CHSY3: variants seen among roughly 807,000 people sequenced by gnomAD.
CHSY3 encodes the protein N-acetylgalactosaminyl-proteoglycan 3-beta-glucuronosyltransferase 3.
Under a neutral mutation model 67.2 loss-of-function variants are expected in CHSY3, and 35 were observed. The ratio of observed to expected loss-of-function variants is 0.52; its 90% CI spans 0.40 to 0.69. The LOEUF is 0.69. Ranked by LOEUF, CHSY3 falls within the 30% of genes least tolerant of loss-of-function variation. CHSY3 has a pLI of 0.00. For synonymous variants in CHSY3, 474 were observed against 434.7 expected, an observed-to-expected ratio of 1.09 and a Z score of -1.12; for missense variants, 1,069 against 1,138.5, an observed-to-expected ratio of 0.94 and a Z score of 0.88.
intron 2 of CHSY3, among the ~76,000 whole-genome samples, chr5:129,948,056 G>T: frequency 6.6e-6 from 1 of 152,032 alleles, no homozygotes; most frequent in Non-Finnish European, 1.5e-5. Context: ...AATTCTATAG[G>T]TTGCCTTTTA....
chr5:130,151,588 TG>T (rs1769233255), intron 2 of CHSY3, among the ~76,000 whole-genome samples: 1 of 152,170 alleles, frequency 6.6e-6, no homozygotes, highest in Admixed American at 6.5e-5. Context: ...TTAATTGACT[TG>T]CAGTTCAGCA....
chr5:130,013,355 ACT>A lies in CHSY3; in HGVS notation c.1086+104998_1086+104999del, dbSNP rs925829053. ...TCCACCAGGCAATGCCCTAGTGGAG[ACT>A]CTGTCTGGGGGCTCCAACCCCACAT... On this transcript the variant is annotated intron_variant, in intron 2 of 2. Transcript: ENST00000305031. Among the ~76,000 whole-genome samples the A allele has an allele frequency of 6.1e-4, 92 of 151,884 alleles. 1 individual carries two copies. Among genetic ancestry groups the A allele is most frequent in the African/African-American group, 2.2e-3 (90 of 41,410 alleles).
chr5:130,020,463 T>TA (rs1764355934), intron 2 of CHSY3, among the ~76,000 whole-genome samples: 1 of 42,990 alleles, frequency 2.3e-5, no homozygotes, highest in Non-Finnish European at 4.2e-5. Flanking sequence ...ATATATATAT[T>TA]TTTTTTTTTT....
intron 2 of CHSY3, among the ~76,000 whole-genome samples, chr5:130,183,959 C>T (rs1355680128): frequency 6.6e-6 from 1 of 151,774 alleles, no homozygotes; most frequent in African/African-American, 2.4e-5. Flanking sequence ...TAGATTTACT[C>T]ATCCCACTAT....
chr5:129,947,344 C>G (rs906965949), intron 2 of CHSY3, among the ~76,000 whole-genome samples: 5 of 152,144 alleles, frequency 3.3e-5, no homozygotes, highest in African/African-American at 1.2e-4. Flanking sequence ...GAGATTTGAG[C>G]TTGGTGCAGT....
At chr5:129,914,214 G>T (rs1760665749) in intron 2 of CHSY3, among the ~76,000 whole-genome samples, 1 of 152,028 alleles carries the variant, frequency 6.6e-6, no homozygotes, top group African/African-American at 2.4e-5. Context: ...AGGTTCAAGT[G>T]ATTCTCCTGC....
intron 2 of CHSY3, among the ~76,000 whole-genome samples, chr5:130,026,342 A>T (rs1764542698): frequency 6.6e-6 from 1 of 152,188 alleles, no homozygotes; most frequent in African/African-American, 2.4e-5. Context: ...TAATGAAGTG[A>T]TTAAAATGTA....
intron 2 of CHSY3, among the ~76,000 whole-genome samples, chr5:129,968,504 G>T (rs1188046556): frequency 1.3e-5 from 2 of 151,694 alleles, no homozygotes; most frequent in East Asian, 3.9e-4. Flanking sequence ...GTTGAAACTT[G>T]GTACTCTAAC....
intron 2 of CHSY3, among the ~76,000 whole-genome samples, chr5:129,997,697 C>T (rs1763585686): frequency 6.6e-6 from 1 of 152,038 alleles, no homozygotes; most frequent in African/African-American, 2.4e-5. Flanking sequence ...GTGATGTTTC[C>T]CGCCCTGTGT....
intron 2 of CHSY3, among the ~76,000 whole-genome samples, chr5:129,992,687 T>C (rs1315315934): frequency 6.6e-6 from 1 of 152,202 alleles, no homozygotes; most frequent in Non-Finnish European, 1.5e-5. Context: ...GTCCCATCAA[T>C]ATATGATGTG....
chr5:130,092,717 G>A (rs74530349), intron 2 of CHSY3, among the ~76,000 whole-genome samples: 1 of 152,142 alleles, frequency 6.6e-6, no homozygotes, highest in Non-Finnish European at 1.5e-5. Flanking sequence ...CACAAGTATT[G>A]CCAGGAAAGA....
chr5:130,112,079 A>G (rs776002267), intron 2 of CHSY3, among the ~76,000 whole-genome samples: 2 of 152,074 alleles, frequency 1.3e-5, no homozygotes, highest in Non-Finnish European at 2.9e-5. Flanking sequence ...TGATTCTCAG[A>G]CTGTGGTTCC....
chr5:129,923,964 G>A (rs574404733), intron 2 of CHSY3, among the ~76,000 whole-genome samples: 3 of 151,796 alleles, frequency 2.0e-5, no homozygotes, highest in Admixed American at 6.6e-5. Flanking sequence ...TATATTCATG[G>A]GTAAAGTAGT....
intron 2 of CHSY3, among the ~76,000 whole-genome samples, chr5:130,102,241 A>G (rs948034776): frequency 6.6e-6 from 1 of 152,110 alleles, no homozygotes; most frequent in Non-Finnish European, 1.5e-5. Context: ...CTAAGTTCCA[A>G]TAATAACAGC....
chr5:129,936,578 G>C (rs1761500310), intron 2 of CHSY3, among the ~76,000 whole-genome samples: 1 of 152,118 alleles, frequency 6.6e-6, no homozygotes, highest in Non-Finnish European at 1.5e-5. Context: ...CATGTCACCA[G>C]CTTGCTGGGC....
intron 2 of CHSY3, among the ~76,000 whole-genome samples, chr5:130,009,945 A>G (rs1022824358): frequency 1.3e-5 from 2 of 152,206 alleles, no homozygotes; most frequent in Non-Finnish European, 2.9e-5. Context: ...TACCTATCCT[A>G]AATATATGTA....
chr5:129,935,994 GA>G (rs969675573), intron 2 of CHSY3, among the ~76,000 whole-genome samples: 2 of 151,804 alleles, frequency 1.3e-5, no homozygotes, highest in Admixed American at 6.6e-5. Context: ...AACTCGGGCT[GA>G]AAAAAAATCT....
chr5:129,904,905 C>A lies in CHSY3; in HGVS notation c.76C>A (p.Leu26Ile). The A allele has an allele frequency of 6.5e-7, 1 of 1,530,652 alleles. No homozygotes were observed. Among genetic ancestry groups the A allele is most frequent in the East Asian group, 2.5e-5 (1 of 40,508 alleles). The allele number at this position is 1,530,652 out of a possible 1,614,324, so 94.8% of individuals were successfully genotyped here. Reference sequence around the variant, plus strand: ...GCTGGGCTTCACCGCCGCGTCCTGGCTCATCGCCCCCAGGGTGGCGGAGCT... The same window carrying A: ...GCTGGGCTTCACCGCCGCGTCCTGGATCATCGCCCCCAGGGTGGCGGAGCT... ...LVLGFTAASW[L>I]IAPRVAELSE... The change falls in exon 1 of 3, where the codon CTC (leucine) becomes ATC (isoleucine). Residue 26 changes from leucine to isoleucine, a missense_variant. Coordinates refer to ENST00000305031, the MANE Select transcript of CHSY3 (RefSeq NM_175856.5).
intron 2 of CHSY3, among the ~76,000 whole-genome samples, chr5:130,089,314 T>C (rs1350595885): frequency 6.6e-6 from 1 of 151,514 alleles, no homozygotes; most frequent in African/African-American, 2.4e-5. Flanking sequence ...ATGGCACATG[T>C]ATACATATGT....
Sources: allele counts gnomAD v4.1 joint callset (sites outside exome capture counted in the v4.1 genomes callset), GRCh38; gene constraint gnomAD v4.1.1; transcripts MANE v1.5; gene names NCBI Gene and HGNC (gene_info 2026-07-23, HGNC 2026-07-21).